Variants in HPSE2 observed in about 807,000 individuals in gnomAD.
The protein encoded by HPSE2 is heparanase 2 (inactive), also known as inactive heparanase-2.
In HPSE2, 38 loss-of-function variants were observed where a neutral mutation model predicts 60.5. The observed-to-expected ratio is 0.63, with a 90% confidence interval of 0.48 to 0.82. The LOEUF is 0.82. Ranked by LOEUF, HPSE2 falls within the 40% of genes least tolerant of loss-of-function variation. The pLI is 0.00. For synonymous variants in HPSE2, 295 were observed against 293.2 expected (o/e 1.01, Z -0.06); for missense variants, 713 against 740.4 (o/e 0.96, Z 0.43).
intron 3 of HPSE2, among the ~76,000 whole-genome samples, chr10:98,935,283 T>G (rs1954756211): frequency 7.0e-6 from 1 of 143,154 alleles, no homozygotes; most frequent in Non-Finnish European, 1.5e-5. Flanking sequence ...AGCCTACTTC[T>G]GTCAGTTCAT....
At chr10:98,745,043 A>T (rs928261273) in intron 3 of HPSE2, among the ~76,000 whole-genome samples, 4 of 152,114 alleles carry the variant, frequency 2.6e-5, no homozygotes, top group Non-Finnish European at 2.9e-5. Context: ...TCTGTTAAAA[A>T]TACAAAAAAT....
intron 3 of HPSE2, among the ~76,000 whole-genome samples, chr10:98,908,263 C>A (rs1316227826): frequency 1.3e-5 from 2 of 152,196 alleles, no homozygotes; most frequent in Non-Finnish European, 2.9e-5. Flanking sequence ...GTCACTCTCA[C>A]ACAGAGCTGG....
intron 3 of HPSE2, among the ~76,000 whole-genome samples, chr10:98,975,482 G>T (rs776347806): frequency 6.6e-6 from 1 of 152,008 alleles, no homozygotes; most frequent in Non-Finnish European, 1.5e-5. Context: ...GGTATTGTTT[G>T]GGTGACTGCT....
intron 9 of HPSE2, among the ~76,000 whole-genome samples, chr10:98,553,129 C>T (rs1040099533): frequency 6.6e-6 from 1 of 152,132 alleles, no homozygotes; most frequent in African/African-American, 2.4e-5. Context: ...ACACTTGTTT[C>T]CAGATTACTA....
At position 98,459,654 on chromosome 10, in the gene HPSE2, G is replaced by C. The variant is rs146116710; in HGVS notation, c.1699C>G (p.Arg567Gly). Residue 567 changes from arginine (R) to glycine (G), a missense_variant, in exon 12 of 12, where the codon CGG (arginine) becomes GGG (glycine). By Grantham distance (125) the Arg-to-Gly change is moderately radical (BLOSUM62 -2). Coordinates refer to ENST00000370552, the MANE Select transcript of HPSE2 (RefSeq NM_021828.5). Reference sequence around the variant, plus strand: ...GTGACTGGAGGGATGACCAATGTCCGGCCGGCCCGAAGGGGGCGGGGCTTC... The same window carrying C: ...GTGACTGGAGGGATGACCAATGTCCCGCCGGCCCGAAGGGGGCGGGGCTTC... ...ELKPRPLRAG[R>G]TLVIPPVTMG... The C allele has an allele frequency of 6.2e-7, 1 of 1,614,146 alleles. No homozygotes were observed. Among genetic ancestry groups the C allele is most frequent in the South Asian group, 1.1e-5 (1 of 91,086 alleles).
the HPSE2 span, among the ~76,000 whole-genome samples, chr10:99,286,590 G>A: frequency 6.6e-6 from 1 of 152,084 alleles, no homozygotes; most frequent in Non-Finnish European, 1.5e-5. Flanking sequence ...ATGGGGTGAT[G>A]AAAAAGTTTT....
At chr10:98,999,274 T>A (rs1298962547) in intron 3 of HPSE2, among the ~76,000 whole-genome samples, 2 of 151,830 alleles carry the variant, frequency 1.3e-5, no homozygotes, top group Non-Finnish European at 2.9e-5. Context: ...ATGGAGGAAA[T>A]ATGAGTTTTG....
the HPSE2 span, among the ~76,000 whole-genome samples, chr10:99,290,071 A>G: frequency 6.6e-6 from 1 of 152,222 alleles, no homozygotes; most frequent in African/African-American, 2.4e-5. Context: ...GCCCACTTAT[A>G]GATCTATAAA....
rs146384548 is a variant in HPSE2, at chr10:98,477,276, G to A, written c.1613+5360C>T. 6.6e-4 allele frequency among the ~76,000 whole-genome samples: 101 copies of A among 152,340 alleles called. 1 individual carries two copies. The highest frequency in any genetic ancestry group is 1.6e-3 in the Admixed American group (24 of 15,302). ...CTATAAAGTTGCAGCCATAGGTACA[G>A]TGGGCCCCAGTGTTCTTATACAATT... On this transcript the variant is annotated intron_variant, in intron 11 of 11. Transcript: ENST00000370552.
At chr10:98,611,276 G>C (rs951287602) in intron 9 of HPSE2, among the ~76,000 whole-genome samples, 5 of 152,190 alleles carry the variant, frequency 3.3e-5, no homozygotes, top group Admixed American at 1.3e-4. Context: ...CTCTTCTAAA[G>C]AGCTATCCTC....
At chr10:99,226,389 T>C (rs949219365) in intron 2 of HPSE2, among the ~76,000 whole-genome samples, 12 of 152,098 alleles carry the variant, frequency 7.9e-5, no homozygotes, top group South Asian at 2.1e-4. Flanking sequence ...TATTGGTTCA[T>C]TGACAGCAGA....
intron 4 of HPSE2, among the ~76,000 whole-genome samples, chr10:98,723,879 C>T (rs369462999): frequency 5.9e-5 from 9 of 151,936 alleles, no homozygotes; most frequent in Non-Finnish European, 1.2e-4. Context: ...GTCTTGCTAG[C>T]GGTCTATCAA....
chr10:98,506,941 G>A (rs1226699716), intron 9 of HPSE2, among the ~76,000 whole-genome samples: 10 of 152,224 alleles, frequency 6.6e-5, no homozygotes, highest in African/African-American at 1.7e-4. Context: ...TTCAAGGATA[G>A]TGTAACCAGG....
intron 3 of HPSE2, among the ~76,000 whole-genome samples, chr10:98,951,688 C>T (rs1460850062): frequency 6.6e-6 from 1 of 152,154 alleles, no homozygotes; most frequent in Non-Finnish European, 1.5e-5. Flanking sequence ...CTCTTAATCT[C>T]ATAGGAATCC....
chr10:99,160,642 G>A (rs1370871931), intron 2 of HPSE2, among the ~76,000 whole-genome samples: 4 of 152,074 alleles, frequency 2.6e-5, no homozygotes, highest in African/African-American at 4.8e-5. Flanking sequence ...GCTCACGCCT[G>A]TAATCCCAGC....
chr10:99,187,160 T>C (rs1432422072), intron 2 of HPSE2, among the ~76,000 whole-genome samples: 1 of 152,118 alleles, frequency 6.6e-6, no homozygotes, highest in Non-Finnish European at 1.5e-5. Flanking sequence ...AATCACTTTT[T>C]TTCTTATTGT....
chr10:98,748,302 T>C (rs1157645017), intron 3 of HPSE2, among the ~76,000 whole-genome samples: 2 of 152,100 alleles, frequency 1.3e-5, no homozygotes, highest in East Asian at 1.9e-4. Context: ...TGAAAATCCG[T>C]CTCAAAAAAT....
At chr10:99,131,346 G>C (rs1022013624) in intron 3 of HPSE2, among the ~76,000 whole-genome samples, 1 of 152,182 alleles carries the variant, frequency 6.6e-6, no homozygotes, top group South Asian at 2.1e-4. Flanking sequence ...TATCTACCCA[G>C]AGGAAAGGAA....
chr10:98,727,797 T>C (rs1364323898), intron 4 of HPSE2, among the ~76,000 whole-genome samples: 1 of 152,084 alleles, frequency 6.6e-6, no homozygotes. Flanking sequence ...ATAAAATTAT[T>C]GAACTTAAAT....
Sources: gnomAD v4.1 joint callset for allele counts (sites outside exome capture counted in the v4.1 genomes callset) on GRCh38, gnomAD v4.1.1 for gene constraint, MANE v1.5 for transcripts, NCBI Gene and HGNC (gene_info 2026-07-23, HGNC 2026-07-21) for gene names.